The following AGPAT4 variants were observed in gnomAD, a reference collection of about 807,000 sequenced individuals.
AGPAT4 encodes 1-acylglycerol-3-phosphate O-acyltransferase 4.
A neutral mutation model predicts 48.0 loss-of-function variants in AGPAT4; 15 were observed. The observed-to-expected ratio is 0.31, with a 90% CI of 0.21 to 0.48. The LOEUF (loss-of-function observed/expected upper bound fraction) is 0.48, where lower values mean the gene tolerates loss of function less well. Among genes scored for constraint, AGPAT4 ranks in the 20% least tolerant of loss-of-function variants. The pLI is 0.99. For missense variants in AGPAT4, 314 were observed against 482.5 expected (o/e 0.65, Z 3.27); for synonymous variants, 178 against 198.7 (o/e 0.90, Z 0.88).
intron 2 of AGPAT4, among the ~76,000 whole-genome samples, chr6:161,186,838 C>T (rs1399889961): frequency 6.6e-6 from 1 of 152,214 alleles, no homozygotes; most frequent in Non-Finnish European, 1.5e-5. Flanking sequence ...TCAAGCTGTT[C>T]TCTTGGCCCA....
intron 1 of AGPAT4, among the ~76,000 whole-genome samples, chr6:161,241,263 CA>C (rs61634719): frequency 0.45 from 40,947 of 90,554 alleles, 6,338 homozygotes; most frequent in Admixed American, 0.49. Flanking sequence ...AACTCTGTCT[CA>C]AAAAAAAAAA....
chr6:161,136,292 C>T lies in AGPAT4; in HGVS notation c.*248G>A. ...CAGAACAAAGTTCACACTCACCACACAGCCATTCTCACACACACTCGCACA... is the reference window on the plus strand; with the variant it reads ...CAGAACAAAGTTCACACTCACCACATAGCCATTCTCACACACACTCGCACA... On this transcript the variant is annotated 3_prime_UTR_variant, in exon 9 of 9. Transcript: ENST00000320285. 1 of 515,060 alleles carries T rather than the reference C, an allele frequency of 1.9e-6. No individual in the cohort carries two copies. Among genetic ancestry groups the T allele is most frequent in the Non-Finnish European group, 3.5e-6 (1 of 283,552 alleles). The allele number at this position is 515,060 out of a possible 1,614,324, so 31.9% of individuals were successfully genotyped here. A position where few individuals can be genotyped will look rare whatever the true frequency, so the allele number is the denominator to read the frequency against.
At chr6:161,256,245 G>C (rs1782939901) in intron 1 of AGPAT4, among the ~76,000 whole-genome samples, 1 of 152,180 alleles carries the variant, frequency 6.6e-6, no homozygotes, top group African/African-American at 2.4e-5. Context: ...GGCAAAGCTG[G>C]AAGGATACGA....
chr6:161,269,283 GTTAA>G (rs1783356475), intron 1 of AGPAT4, among the ~76,000 whole-genome samples: 1 of 152,080 alleles, frequency 6.6e-6, no homozygotes, highest in Admixed American at 6.5e-5. Flanking sequence ...TTCCCATTTA[GTTAA>G]TTAACAAATG....
intron 2 of AGPAT4, among the ~76,000 whole-genome samples, chr6:161,174,845 T>G (rs1253834055): frequency 6.6e-6 from 1 of 152,196 alleles, no homozygotes; most frequent in Non-Finnish European, 1.5e-5. Context: ...TATTGAGAGT[T>G]TTTAGCATGA....
In AGPAT4 at chr6:161,140,731, G is replaced by A. The variant is rs1013688407; in HGVS notation, c.844-1111C>T. On this transcript the variant is annotated intron_variant, in intron 7 of 8. Coordinates refer to ENST00000320285, the MANE Select transcript of AGPAT4 (RefSeq NM_020133.3). The surrounding 1 kb of genome is among the most constrained non-coding windows in gnomAD (Gnocchi z 6.5). ...GCCCGTCTAAGGGCAGGTCCTGGCCGTGAGGAGGGGCCAGGGCAGAAGCTG... is the reference window on the plus strand; with the variant it reads ...GCCCGTCTAAGGGCAGGTCCTGGCCATGAGGAGGGGCCAGGGCAGAAGCTG... 3.3e-5 allele frequency among the ~76,000 whole-genome samples: 5 copies of A among 152,244 alleles called. No individual in the cohort carries two copies. Among genetic ancestry groups the A allele is most frequent in the Non-Finnish European group, 2.9e-5 (2 of 68,040 alleles).
In AGPAT4 at chr6:161,266,237, A is replaced by C. The variant is rs1783261349; in HGVS notation, c.-90+7701T>G. Among the ~76,000 whole-genome samples the C allele has an allele frequency of 6.6e-6, 1 of 152,110 alleles. No homozygotes were observed. Among genetic ancestry groups the C allele is most frequent in the Admixed American group, 6.5e-5 (1 of 15,278 alleles). On this transcript the variant is annotated intron_variant, in intron 1 of 8. Transcript: ENST00000320285. The surrounding 1 kb of genome is among the most constrained non-coding windows in gnomAD (Gnocchi z 6.2). ...TAATGGGCCCAAAATCTCAACATCG[A>C]GATTGAGAAACACCTCGCCCTCAAG...
At chr6:161,199,790 G>A (rs374860458) in intron 2 of AGPAT4, among the ~76,000 whole-genome samples, 92 of 152,192 alleles carry the variant, frequency 6.0e-4, no homozygotes, top group African/African-American at 2.0e-3. Context: ...TACGTCTTCC[G>A]CCATGAGTGC....
intron 3 of AGPAT4, among the ~76,000 whole-genome samples, chr6:161,162,485 G>A (rs1451970869): frequency 6.6e-6 from 1 of 152,208 alleles, no homozygotes; most frequent in Admixed American, 6.5e-5. Flanking sequence ...CCTGTGTGGC[G>A]AGGGATGGAG....
rs1782539405 is a variant in AGPAT4 at position 161,243,069 on chromosome 6, AT to A, written c.-89-10768del. ...CAGAGCCAGACTCTGTCTCAAAAAA[AT>A]TTTTTTTTAATTTAAAAAAAAATGA... On this transcript the variant is annotated intron_variant, in intron 1 of 8. Coordinates refer to ENST00000320285, the MANE Select transcript of AGPAT4 (RefSeq NM_020133.3). The surrounding 1 kb of genome is among the most constrained non-coding windows in gnomAD (Gnocchi z 4.8). Among the ~76,000 whole-genome samples the A allele has an allele frequency of 1.3e-5, 2 of 151,820 alleles. No individual in the cohort carries two copies. The highest frequency in any genetic ancestry group is 2.4e-5 in the African/African-American group (1 of 41,292).
At position 161,155,366 on chromosome 6, in the gene AGPAT4, C is replaced by T. The variant is rs113354176; in HGVS notation, c.349-1056G>A. On this transcript the variant is annotated intron_variant, in intron 3 of 8. Coordinates refer to ENST00000320285, the MANE Select transcript of AGPAT4 (RefSeq NM_020133.3). This position sits in a 1 kb window ranked among gnomAD's most constrained non-coding sequence, Gnocchi z 5.8. ...CGATGACTGATCAATGGGATATCAG[C>T]GGTCAGGGCAGCCCTAAACCTAGGA... Among the ~76,000 whole-genome samples the T allele has an allele frequency of 1.3e-3, 193 of 152,286 alleles. 1 individual carries two copies. Among genetic ancestry groups the T allele is most frequent in the African/African-American group, 4.3e-3 (178 of 41,548 alleles).
At position 161,161,345 on chromosome 6, in the gene AGPAT4, G is replaced by C. The variant is rs1477827298; in HGVS notation, c.348+4903C>G. The stretch of plus-strand genomic sequence containing the variant: ...AGCTGCCCACTTCCTGCCCTGGCCA[G>C]TGGTTCGCCTGCTACCTCGGTCGTC... On this transcript the variant is annotated intron_variant, in intron 3 of 8. Coordinates refer to ENST00000320285, the MANE Select transcript of AGPAT4 (RefSeq NM_020133.3). This position sits in a 1 kb window ranked among gnomAD's most constrained non-coding sequence, Gnocchi z 4.6. The C allele has an allele frequency of 2.2e-6, 1 of 456,746 alleles. No homozygotes were observed. The highest frequency in any genetic ancestry group is 7.0e-5 in the East Asian group (1 of 14,388). The allele number at this position is 456,746 out of a possible 1,614,324, so 28.3% of individuals were successfully genotyped here. A position where few individuals can be genotyped will look rare whatever the true frequency, so the allele number is the denominator to read the frequency against.
At position 161,200,458 on chromosome 6, in the gene AGPAT4, G is replaced by A. The variant is rs139173259; in HGVS notation, c.178+31578C>T. Among the ~76,000 whole-genome samples the A allele has an allele frequency of 6.6e-6, 1 of 152,288 alleles. No homozygotes were observed. The highest frequency in any genetic ancestry group is 1.9e-4 in the East Asian group (1 of 5,172). On this transcript the variant is annotated intron_variant, in intron 2 of 8. Coordinates refer to ENST00000320285, the MANE Select transcript of AGPAT4 (RefSeq NM_020133.3). This position sits in a 1 kb window ranked among gnomAD's most constrained non-coding sequence, Gnocchi z 5.5. Reference sequence around the variant, plus strand: ...CCACAGTACAATCCTAATTATCTATGAGAAGGCCTGCACTCTCTGGCTTCT... The same window carrying A: ...CCACAGTACAATCCTAATTATCTATAAGAAGGCCTGCACTCTCTGGCTTCT...
intron 1 of AGPAT4, among the ~76,000 whole-genome samples, chr6:161,269,826 T>G (rs866549230): frequency 2.0e-5 from 3 of 152,148 alleles, no homozygotes; most frequent in Non-Finnish European, 4.4e-5. Context: ...TGGGGGTGGA[T>G]AGAGGACAGA....
At chr6:161,174,047 A>G (rs1320493073) in intron 2 of AGPAT4, among the ~76,000 whole-genome samples, 2 of 152,218 alleles carry the variant, frequency 1.3e-5, no homozygotes, top group Non-Finnish European at 2.9e-5. Flanking sequence ...TAGTTACTGT[A>G]GCCTTGTAGT....
In AGPAT4 at chr6:161,233,241, C is replaced by A. The variant is rs1341562006; in HGVS notation, c.-89-939G>T. On this transcript the variant is annotated intron_variant, in intron 1 of 8. Coordinates refer to ENST00000320285, the MANE Select transcript of AGPAT4 (RefSeq NM_020133.3). This position sits in a 1 kb window ranked among gnomAD's most constrained non-coding sequence, Gnocchi z 5.4. ...CCTGTAATCAGTCTCCAGCTCAAAA[C>A]AGAATAATGAAATGACTTTACAGTT... 6.6e-6 allele frequency among the ~76,000 whole-genome samples: 1 copy of A among 152,008 alleles called. No individual in the cohort carries two copies. Among genetic ancestry groups the A allele is most frequent in the Non-Finnish European group, 1.5e-5 (1 of 68,026 alleles).
At chr6:161,136,783 G>A (rs1779081550) in intron 8 of AGPAT4, 149 bp from the exon 9 acceptor site, 1 of 649,546 alleles carries the variant, frequency 1.5e-6, no homozygotes, top group Admixed American at 2.6e-5. Flanking sequence ...CATCCTGCCG[G>A]CTTTACAATC....
At position 161,204,473 on chromosome 6, in the gene AGPAT4, A is replaced by C. The variant is rs1181835213; in HGVS notation, c.178+27563T>G. On this transcript the variant is annotated intron_variant, in intron 2 of 8. Transcript: ENST00000320285. This position sits in a 1 kb window ranked among gnomAD's most constrained non-coding sequence, Gnocchi z 4.4. ...TTCCAACCTTAAAGGTAAATACTTC[A>C]GTTACTATTTAGTACCCCCTCCAAA... Among the ~76,000 whole-genome samples the C allele has an allele frequency of 1.3e-5, 2 of 152,154 alleles. No homozygotes were observed. The highest frequency in any genetic ancestry group is 3.9e-4 in the East Asian group (2 of 5,186).
intron 1 of AGPAT4, among the ~76,000 whole-genome samples, chr6:161,247,981 CAAAAAAAAAA>C (rs143168079): frequency 1.8e-4 from 5 of 28,210 alleles, no homozygotes; most frequent in East Asian, 2.6e-3. Context: ...GACTCTGTCT[CAAAAAAAAAA>C]AAAAAAAAAA....
Sources: gnomAD v4.1 joint callset for allele counts (sites outside exome capture counted in the v4.1 genomes callset) on GRCh38, gnomAD v4.1.1 for gene constraint, Gnocchi (gnomAD v3.1) non-coding constraint, MANE v1.5 for transcripts, NCBI Gene and HGNC (gene_info 2026-07-23, HGNC 2026-07-21) for gene names.